The following LUZP2 variants were observed in gnomAD, a reference collection of about 807,000 sequenced individuals.
LUZP2 encodes leucine zipper protein 2.
LUZP2 carries 52 observed loss-of-function variants against 51.6 expected under a neutral mutation model. The ratio of observed to expected loss-of-function variants is 1.01; its 90% CI spans 0.81 to 1.27. The LOEUF (loss-of-function observed/expected upper bound fraction) is 1.27, where lower values mean the gene tolerates loss of function less well. Among genes scored for constraint, LUZP2 ranks in the 50% most tolerant of loss-of-function variants. The probability of loss-of-function intolerance (pLI) is 0.00; values close to 1 mark genes in which losing one functional copy is unlikely to be tolerated. For synonymous variants in LUZP2, 154 were observed against 137.3 expected (o/e 1.12, Z -0.85); for missense variants, 436 against 395.4 (o/e 1.10, Z -0.87).
chr11:24,972,787 T>C (rs186551868), intron 7 of LUZP2, among the ~76,000 whole-genome samples: 328 of 152,272 alleles, frequency 2.2e-3, no homozygotes, highest in African/African-American at 7.7e-3. Context: ...AACTTGATTG[T>C]GGTGGATAAC....
intron 7 of LUZP2, among the ~76,000 whole-genome samples, chr11:24,953,112 T>C (rs943951222): frequency 5.3e-5 from 8 of 151,840 alleles, no homozygotes; most frequent in African/African-American, 1.9e-4. Context: ...AAAATACACA[T>C]TTAGAGTAGT....
intron 1 of LUZP2, among the ~76,000 whole-genome samples, chr11:24,688,961 T>C (rs1856980544): frequency 6.6e-6 from 1 of 152,160 alleles, no homozygotes; most frequent in South Asian, 2.1e-4. Context: ...GTCAACATAC[T>C]ACCCGTGGTG....
chr11:24,532,845 T>A (rs1326503518), intron 1 of LUZP2, among the ~76,000 whole-genome samples: 2 of 151,052 alleles, frequency 1.3e-5, no homozygotes, highest in East Asian at 3.9e-4. Flanking sequence ...TAACTATAAT[T>A]ATATTATCAG....
chr11:24,875,123 T>G (rs1022842724), intron 5 of LUZP2, among the ~76,000 whole-genome samples: 1 of 151,926 alleles, frequency 6.6e-6, no homozygotes, highest in African/African-American at 2.4e-5. Context: ...TTATTATACT[T>G]TAAGTTTTAG....
rs184811135 is a variant in LUZP2 at position 24,994,994 on chromosome 11, A to C, written c.765+11701A>C. Among the ~76,000 whole-genome samples, 308 of 152,348 alleles carry C rather than the reference A, an allele frequency of 2.0e-3. 2 individuals carry two copies. Among genetic ancestry groups the C allele is most frequent in the African/African-American group, 6.7e-3 (279 of 41,576 alleles). On this transcript the variant is annotated intron_variant, in intron 9 of 11. Transcript: ENST00000336930. Reference sequence around the variant, plus strand: ...TATACTGTTATACATTACACAAATAAGAATACCATAAAACGTTTTATTTTC... The same window carrying C: ...TATACTGTTATACATTACACAAATACGAATACCATAAAACGTTTTATTTTC...
chr11:24,555,438 C>T (rs943469187), intron 1 of LUZP2, among the ~76,000 whole-genome samples: 1 of 152,136 alleles, frequency 6.6e-6, no homozygotes, highest in African/African-American at 2.4e-5. Context: ...TTCTGCAACA[C>T]CTATCAGCCA....
At chr11:24,686,567 C>T (rs933064738) in intron 1 of LUZP2, among the ~76,000 whole-genome samples, 1 of 152,130 alleles carries the variant, frequency 6.6e-6, no homozygotes, top group Admixed American at 6.5e-5. Context: ...GTTCAAAATT[C>T]ATCTGCATTT....
At chr11:24,869,502 G>A (rs1167280530) in intron 5 of LUZP2, among the ~76,000 whole-genome samples, 3 of 151,990 alleles carry the variant, frequency 2.0e-5, no homozygotes, top group Non-Finnish European at 1.5e-5. Flanking sequence ...TGTCGCCGAG[G>A]CTGGAGTGGA....
intron 1 of LUZP2, among the ~76,000 whole-genome samples, chr11:24,709,733 T>C (rs1243815021): frequency 3.3e-5 from 5 of 152,160 alleles, no homozygotes; most frequent in South Asian, 2.1e-4. Context: ...CAGCCTTCCA[T>C]TGCACCTTTA....
At chr11:24,918,353 C>T (rs71478111) in intron 7 of LUZP2, among the ~76,000 whole-genome samples, 57,771 of 151,788 alleles carry the variant, frequency 0.38, 13,502 homozygotes, top group East Asian at 0.72. Context: ...ATTGCCCTGG[C>T]CAGAACTTCC....
chr11:24,578,277 C>G (rs1852725087), intron 1 of LUZP2, among the ~76,000 whole-genome samples: 1 of 152,022 alleles, frequency 6.6e-6, no homozygotes, highest in Non-Finnish European at 1.5e-5. Flanking sequence ...CAATAACTTC[C>G]TTTTACATCT....
chr11:24,743,935 G>A (rs1859280069), intron 4 of LUZP2, among the ~76,000 whole-genome samples: 1 of 151,774 alleles, frequency 6.6e-6, no homozygotes, highest in South Asian at 2.1e-4. Flanking sequence ...TTGTTCTGAT[G>A]AGCATTCAAC....
At chr11:24,885,659 A>C (rs1041035625) in intron 5 of LUZP2, among the ~76,000 whole-genome samples, 1 of 152,152 alleles carries the variant, frequency 6.6e-6, no homozygotes. Context: ...CATCAGGAAA[A>C]GTCATCATCT....
intron 5 of LUZP2, among the ~76,000 whole-genome samples, chr11:24,827,491 A>G (rs1467593890): frequency 6.6e-6 from 1 of 152,338 alleles, no homozygotes; most frequent in East Asian, 1.9e-4. Context: ...TCTTGCAGTG[A>G]AATCAGATGT....
intron 7 of LUZP2, among the ~76,000 whole-genome samples, chr11:24,920,841 A>G (rs907328270): frequency 6.6e-6 from 1 of 152,142 alleles, no homozygotes; most frequent in African/African-American, 2.4e-5. Flanking sequence ...TTTAATGTGT[A>G]TCATGTACAT....
intron 7 of LUZP2, among the ~76,000 whole-genome samples, chr11:24,930,575 T>A (rs1298082107): frequency 2.0e-5 from 3 of 152,154 alleles, no homozygotes; most frequent in Non-Finnish European, 4.4e-5. Flanking sequence ...GGTTGTAGGG[T>A]TTCTGCTAAG....
chr11:24,613,637 T>C (rs1448251720), intron 1 of LUZP2, among the ~76,000 whole-genome samples: 3 of 151,918 alleles, frequency 2.0e-5, no homozygotes, highest in Admixed American at 6.6e-5. Flanking sequence ...TAGCTGAATC[T>C]ACATTTCCTT....
At chr11:24,538,702 T>G (rs1381225564) in intron 1 of LUZP2, among the ~76,000 whole-genome samples, 2 of 151,432 alleles carry the variant, frequency 1.3e-5, no homozygotes, top group African/African-American at 4.8e-5. Context: ...AAAAAATAAG[T>G]CCATTTCTGA....
rs181336258 is a variant in LUZP2, at chr11:24,659,130, A to G, written c.63-70039A>G. On this transcript the variant is annotated intron_variant, in intron 1 of 11. Coordinates refer to ENST00000336930, the MANE Select transcript of LUZP2 (RefSeq NM_001009909.4). The stretch of plus-strand genomic sequence containing the variant: ...TAAAGACACATGCAAACATATGTTT[A>G]TTGTGGCACTATTCACAATAGCAAA... 9.8e-3 allele frequency among the ~76,000 whole-genome samples: 1,491 copies of G among 152,330 alleles called. 25 individuals are homozygous for G. The highest frequency in any genetic ancestry group is 0.035 in the African/African-American group (1,435 of 41,562).
Sources: allele counts gnomAD v4.1 joint callset (sites outside exome capture counted in the v4.1 genomes callset), GRCh38; gene constraint gnomAD v4.1.1; transcripts MANE v1.5; gene names NCBI Gene and HGNC (gene_info 2026-07-23, HGNC 2026-07-21).